SPOCK3: variants seen among roughly 807,000 people sequenced by gnomAD.
The protein encoded by SPOCK3 is SPARC (osteonectin), cwcv and kazal like domains proteoglycan 3, also known as testican-3.
A neutral mutation model predicts 56.6 loss-of-function variants in SPOCK3; 30 were observed. The ratio of observed to expected loss-of-function variants is 0.53; its 90% confidence interval spans 0.40 to 0.72. SPOCK3 has a LOEUF of 0.72. SPOCK3 is among the 30% of genes least tolerant of loss of function. The pLI is 0.00. For missense variants in SPOCK3, 527 were observed against 530.0 expected (o/e 0.99, Z 0.06); for synonymous variants, 196 against 183.3 (o/e 1.07, Z -0.56).
intron 2 of SPOCK3, among the ~76,000 whole-genome samples, chr4:167,119,504 A>T (rs1761695621): frequency 6.6e-6 from 1 of 152,178 alleles, no homozygotes; most frequent in African/African-American, 2.4e-5. Context: ...TAAAGTTTTC[A>T]GAATGAATAA....
intron 4 of SPOCK3, 119 bp from the exon 5 acceptor site, chr4:166,912,862 A>T: frequency 1.3e-6 from 1 of 759,260 alleles, no homozygotes; most frequent in South Asian, 2.9e-5. Flanking sequence ...GAATCAACAA[A>T]CTATTCTCAT....
intron 2 of SPOCK3, among the ~76,000 whole-genome samples, chr4:167,232,363 C>A (rs1488450622): frequency 4.2e-5 from 6 of 144,572 alleles, no homozygotes; most frequent in Non-Finnish European, 6.1e-5. Context: ...AAAAAAAAAA[C>A]CCAAAACAAA....
chr4:167,181,270 T>C (rs1348415687), intron 2 of SPOCK3, among the ~76,000 whole-genome samples: 1 of 152,184 alleles, frequency 6.6e-6, no homozygotes, highest in African/African-American at 2.4e-5. Context: ...ACAAAAAGCC[T>C]TGAGTCATCC....
intron 5 of SPOCK3, among the ~76,000 whole-genome samples, chr4:166,904,711 G>A (rs1045872010): frequency 6.6e-6 from 1 of 151,874 alleles, no homozygotes; most frequent in Non-Finnish European, 1.5e-5. Flanking sequence ...GTCTGAGAAG[G>A]GGAGAAAAAT....
intron 6 of SPOCK3, among the ~76,000 whole-genome samples, chr4:166,840,771 GTTTTTTTTTTT>G (rs70955697): frequency 1.5e-5 from 1 of 68,178 alleles, no homozygotes; most frequent in Non-Finnish European, 2.7e-5. Context: ...AGAAGCAAAA[GTTTTTTTTTTT>G]TTTTTTTTTT....
At chr4:166,891,466 C>CA (rs1254991168) in intron 5 of SPOCK3, among the ~76,000 whole-genome samples, 1 of 151,822 alleles carries the variant, frequency 6.6e-6, no homozygotes, top group Non-Finnish European at 1.5e-5. Context: ...AGCCCTGCAA[C>CA]AAATGATTAA....
Position 166,905,811 on chromosome 4 carries a change from A to G in SPOCK3, c.474+6809T>C, listed in dbSNP as rs138594762. Among the ~76,000 whole-genome samples the G allele has an allele frequency of 5.5e-3, 843 of 152,142 alleles. 5 individuals are homozygous for G. The highest frequency in any genetic ancestry group is 0.01 in the Admixed American group (158 of 15,236). Reference sequence around the variant, plus strand: ...ATATACAAGTCAGTATAGAAAATTAACAATATAACAATATACTATCAGCAA... The same window carrying G: ...ATATACAAGTCAGTATAGAAAATTAGCAATATAACAATATACTATCAGCAA... On this transcript the variant is annotated intron_variant, in intron 5 of 10. Coordinates refer to ENST00000357545, the MANE Select transcript of SPOCK3 (RefSeq NM_001040159.2).
At chr4:166,953,153 C>T (rs1457538131) in intron 4 of SPOCK3, among the ~76,000 whole-genome samples, 2 of 151,320 alleles carry the variant, frequency 1.3e-5, no homozygotes, top group Admixed American at 6.6e-5. Context: ...AGGCAACCTA[C>T]AAAATGGGAG....
intron 5 of SPOCK3, among the ~76,000 whole-genome samples, chr4:166,908,126 G>A (rs1235811988): frequency 6.6e-6 from 1 of 151,870 alleles, no homozygotes; most frequent in Non-Finnish European, 1.5e-5. Context: ...TAACTATTAA[G>A]AGAAAGTAAG....
intron 2 of SPOCK3, among the ~76,000 whole-genome samples, chr4:167,206,373 T>C (rs942397069): frequency 2.0e-5 from 3 of 151,974 alleles, no homozygotes; most frequent in African/African-American, 7.3e-5. Flanking sequence ...ATACACAAAT[T>C]GAACCCTTAA....
intron 3 of SPOCK3, among the ~76,000 whole-genome samples, chr4:167,044,218 T>C (rs1255968984): frequency 6.6e-6 from 1 of 152,054 alleles, no homozygotes; most frequent in African/African-American, 2.4e-5. Context: ...AGTTACCAAA[T>C]TTGTGGGCAC....
At chr4:167,134,371 A>T (rs771585099) in intron 2 of SPOCK3, among the ~76,000 whole-genome samples, 1 of 151,984 alleles carries the variant, frequency 6.6e-6, no homozygotes, top group Non-Finnish European at 1.5e-5. Context: ...ATTTTCCTGA[A>T]GGAAAAACTA....
intron 2 of SPOCK3, among the ~76,000 whole-genome samples, chr4:167,225,781 A>C (rs1226172777): frequency 1.3e-5 from 2 of 151,996 alleles, no homozygotes; most frequent in African/African-American, 4.8e-5. Context: ...TAAGAAAAAA[A>C]AAAATCTAAA....
At chr4:166,829,907 T>C (rs1745859959) in intron 6 of SPOCK3, among the ~76,000 whole-genome samples, 1 of 152,176 alleles carries the variant, frequency 6.6e-6, no homozygotes, top group Non-Finnish European at 1.5e-5. Context: ...AGCTTCCTCC[T>C]TGACACTGTG....
At chr4:166,823,561 G>A (rs1005993936) in intron 6 of SPOCK3, among the ~76,000 whole-genome samples, 6 of 152,118 alleles carry the variant, frequency 3.9e-5, no homozygotes, top group South Asian at 2.1e-4. Context: ...CAATAAACAC[G>A]ATTTAAGGGT....
rs188731150 is a variant in SPOCK3, at chr4:166,828,900, G to C, written c.590-36611C>G. On this transcript the variant is annotated intron_variant, in intron 6 of 10. Coordinates refer to ENST00000357545, the MANE Select transcript of SPOCK3 (RefSeq NM_001040159.2). ...AGAAATGTATCTTGCTTTTAATAGA[G>C]AGGAATGTGCTGAGATGTAATATTT... Among the ~76,000 whole-genome samples, 183 of 152,090 alleles carry C rather than the reference G, an allele frequency of 1.2e-3. 2 individuals carry two copies. In the Middle Eastern group the frequency reaches 0.017, roughly 14 times the overall value.
chr4:166,894,440 G>A (rs980885591), intron 5 of SPOCK3, among the ~76,000 whole-genome samples: 1 of 151,998 alleles, frequency 6.6e-6, no homozygotes, highest in Non-Finnish European at 1.5e-5. Flanking sequence ...AGAGTCCTGA[G>A]AATATTAAAG....
chr4:167,228,121 T>A (rs1736782286), intron 2 of SPOCK3, among the ~76,000 whole-genome samples: 1 of 152,200 alleles, frequency 6.6e-6, no homozygotes, highest in Admixed American at 6.5e-5. Context: ...CTACTCAACA[T>A]GTTATGTGTA....
chr4:166,796,799 T>A (rs1741986895), intron 6 of SPOCK3, among the ~76,000 whole-genome samples: 2 of 152,162 alleles, frequency 1.3e-5, no homozygotes, highest in African/African-American at 4.8e-5. Context: ...GTTTAGGAAT[T>A]TTGATGGTCT....
Sources: gnomAD v4.1 joint callset for allele counts (sites outside exome capture counted in the v4.1 genomes callset) on GRCh38, gnomAD v4.1.1 for gene constraint, MANE v1.5 for transcripts, NCBI Gene and HGNC (gene_info 2026-07-23, HGNC 2026-07-21) for gene names.